ROS1: variants seen among roughly 807,000 people sequenced by gnomAD.
ROS1 encodes proto-oncogene tyrosine-protein kinase ROS.
ROS1 carries 263 observed loss-of-function variants against 273.5 expected under a neutral mutation model. That is an observed-to-expected ratio of 0.96 (90% CI 0.87 to 1.06). The LOEUF is 1.06. Among genes scored for constraint, ROS1 ranks in the 50% least tolerant of loss-of-function variants. The pLI is 0.00. For synonymous variants in ROS1, 1,008 were observed against 954.1 expected (o/e 1.06, Z -1.04); for missense variants, 2,833 against 2,751.1 (o/e 1.03, Z -0.67).
chr6:117,310,890 G>C (rs1775492170), intron 40 of ROS1, 130 bp downstream of exon 40: 1 of 580,692 alleles, frequency 1.7e-6, no homozygotes, highest in Non-Finnish European at 3.0e-6. Context: ...TTATAAGAGA[G>C]ACTTTTAATA....
intron 42 of ROS1, chr6:117,301,801 T>G (rs1273923989): frequency 1.3e-5 from 2 of 152,252 alleles, no homozygotes; most frequent in Non-Finnish European, 2.9e-5. Context: ...GTGACAGAAC[T>G]AGAAGCAGCA....
chr6:117,304,576 T>C (rs1393590171), intron 42 of ROS1, among the ~76,000 whole-genome samples: 1 of 152,236 alleles, frequency 6.6e-6, no homozygotes, highest in Non-Finnish European at 1.5e-5. Flanking sequence ...TCATAAGTTT[T>C]AAATTGTATG....
At chr6:117,357,710 C>A in intron 25 of ROS1, 94 bp downstream of exon 25, 1 of 828,474 alleles carries the variant, frequency 1.2e-6, no homozygotes, top group South Asian at 1.9e-5. Context: ...CTTATTTTTC[C>A]ATAATTGTCT....
At chr6:117,370,764 AAT>A (rs35540695) in intron 18 of ROS1, among the ~76,000 whole-genome samples, 26,907 of 152,126 alleles carry the variant, frequency 0.18, 2,576 homozygotes, top group South Asian at 0.32. Flanking sequence ...TAAAAAAATA[AAT>A]AGACATACTT....
Position 117,396,270 on chromosome 6 carries a change from C to G in ROS1, c.807-6G>C, listed in dbSNP as rs768404887. On this transcript the variant is annotated splice_region_variant and splice_polypyrimidine_tract_variant and intron_variant, in intron 8 of 43. Transcript: ENST00000368507. ...TTACTGCTGCAATAGAAAACCTATT[C>G]CAAAAACAATTTGGAGAGACGTGTT... The G allele has an allele frequency of 1.8e-5, 29 of 1,609,252 alleles. No individual in the cohort carries two copies. Among genetic ancestry groups the G allele is most frequent in the East Asian group, 2.2e-5 (1 of 44,848 alleles).
In ROS1 at chr6:117,313,558, G is replaced by A. The variant is rs1295818620; in HGVS notation, c.6118-2441C>T. Among the ~76,000 whole-genome samples the A allele has an allele frequency of 2.0e-5, 3 of 149,404 alleles. No individual in the cohort carries two copies. In the East Asian group the frequency reaches 5.9e-4, roughly 29 times the overall value. ...ACTGCACTTCAACCTGGGCCACAGA[G>A]AAAGACTCTGTCCAAAAAAAAAAAA... On this transcript the variant is annotated intron_variant, in intron 39 of 43. Coordinates refer to ENST00000368507, the MANE Select transcript of ROS1 (RefSeq NM_001378902.1).
intron 18 of ROS1, among the ~76,000 whole-genome samples, chr6:117,367,963 T>C (rs987365239): frequency 6.6e-6 from 1 of 152,182 alleles, no homozygotes; most frequent in Non-Finnish European, 1.5e-5. Context: ...CCTCCTACTC[T>C]TGGTTAGTCA....
intron 18 of ROS1, among the ~76,000 whole-genome samples, chr6:117,366,641 G>A (rs754925081): frequency 3.3e-5 from 5 of 152,068 alleles, no homozygotes; most frequent in African/African-American, 7.2e-5. Flanking sequence ...ACCCTCCCAA[G>A]TAGCTGGGAT....
chr6:117,326,428 T>G lies in ROS1; in HGVS notation c.5349-14A>C. ...GAAGTGCTCTTTCTGCAAAAAATAA[T>G]AAATACAGAAAATATACATGACAAT... is the stretch of plus-strand genomic sequence containing the variant. On this transcript the variant is annotated splice_polypyrimidine_tract_variant and intron_variant, in intron 33 of 43. Transcript: ENST00000368507. 6.9e-7 allele frequency: 1 copy of G among 1,446,812 alleles called. No homozygotes were observed. Among genetic ancestry groups the G allele is most frequent in the African/African-American group, 1.5e-5 (1 of 68,516 alleles). 89.6% of individuals were successfully genotyped at this position (1,446,812 alleles called of 1,614,324 possible).
chr6:117,298,825 C>T (rs1774451290), intron 43 of ROS1, among the ~76,000 whole-genome samples: 1 of 152,230 alleles, frequency 6.6e-6, no homozygotes, highest in Non-Finnish European at 1.5e-5. Flanking sequence ...GGTGCTTACA[C>T]TATGCCTTGC....
intron 18 of ROS1, among the ~76,000 whole-genome samples, chr6:117,378,078 G>A (rs1322657083): frequency 6.6e-6 from 1 of 152,088 alleles, no homozygotes; most frequent in Non-Finnish European, 1.5e-5. Context: ...ATTTTTTATG[G>A]GAATGTAAAA....
rs1775617473 is a variant in ROS1, at chr6:117,419,818, G to A, written c.124-1312C>T. Among the ~76,000 whole-genome samples the A allele has an allele frequency of 2.6e-5, 4 of 152,310 alleles. No homozygotes were observed. In the South Asian group the frequency reaches 8.3e-4, roughly 32 times the overall value. On this transcript the variant is annotated intron_variant, in intron 1 of 43. Coordinates refer to ENST00000368507, the MANE Select transcript of ROS1 (RefSeq NM_001378902.1). ...CATAGTCACACTGTAACGGTAGTGA[G>A]TCCTGATGGCTCTTCTCAGGAGTAA...
At chr6:117,372,691 G>A (rs781702541) in intron 18 of ROS1, among the ~76,000 whole-genome samples, 55 of 152,300 alleles carry the variant, frequency 3.6e-4, no homozygotes, top group Non-Finnish European at 5.1e-4. Context: ...CTCTCACTGG[G>A]TTCGTGGTCT....
At chr6:117,319,716 T>G (rs918364009) in intron 37 of ROS1, 152 bp downstream of exon 37, 1 of 639,422 alleles carries the variant, frequency 1.6e-6, no homozygotes, top group Non-Finnish European at 2.6e-6. Flanking sequence ...TGATTTTTTT[T>G]AAATGTGATT....
chr6:117,418,539 C>T, intron 1 of ROS1, 33 bp from the exon 2 acceptor site: 1 of 1,558,638 alleles, frequency 6.4e-7, no homozygotes, highest in Non-Finnish European at 8.7e-7. Context: ...AAACACCAGC[C>T]ATCAGTACTG....
chr6:117,338,885 G>T (rs1440733709), intron 31 of ROS1, among the ~76,000 whole-genome samples: 2 of 152,098 alleles, frequency 1.3e-5, no homozygotes, highest in African/African-American at 4.8e-5. Context: ...GTGGGAGTGA[G>T]GGGGAGTGTG....
chr6:117,381,267 G>C (rs1025399262), intron 17 of ROS1, among the ~76,000 whole-genome samples: 2 of 151,362 alleles, frequency 1.3e-5, no homozygotes, highest in African/African-American at 2.4e-5. Context: ...TGGGGTACAG[G>C]TAGTTTTTGG....
At chr6:117,395,864 A>G (rs1188360368) in intron 9 of ROS1, among the ~76,000 whole-genome samples, 1 of 152,040 alleles carries the variant, frequency 6.6e-6, no homozygotes, top group African/African-American at 2.4e-5. Flanking sequence ...GAAAAGTTAT[A>G]TGTATCCCTT....
chr6:117,360,007 G>T lies in ROS1; in HGVS notation c.3435C>A (p.Ile1145=). ...GAGTTATGAGGTGAGGAAATGGGTT[G>T]ATTTCTGAAAGCAAAAAAACATGTA... The part of the protein sequence containing the change: ...ADVVKSTTSE[I]NPFPHLITLL... Residue 1145 remains isoleucine, a synonymous_variant, in exon 24 of 44, where the codon ATC becomes ATA. Transcript: ENST00000368507. 2 of 1,612,156 alleles carry T rather than the reference G, an allele frequency of 1.2e-6. No homozygotes were observed. Among genetic ancestry groups the T allele is most frequent in the Non-Finnish European group, 1.7e-6 (2 of 1,178,950 alleles).
Sources: allele counts gnomAD v4.1 joint callset (sites outside exome capture counted in the v4.1 genomes callset), GRCh38; gene constraint gnomAD v4.1.1; transcripts MANE v1.5; gene names NCBI Gene and HGNC (gene_info 2026-07-23, HGNC 2026-07-21).